The following SENP1 variants were observed in gnomAD, a reference collection of about 807,000 sequenced individuals.
SENP1 encodes SUMO specific peptidase 1.
In SENP1, 21 loss-of-function variants were observed where a neutral mutation model predicts 93.0. The observed-to-expected ratio is 0.23, with a 90% CI of 0.16 to 0.33. SENP1 has a LOEUF of 0.33. Ranked by LOEUF, SENP1 falls within the 10% of genes least tolerant of loss-of-function variation. The pLI is 1.00. For synonymous variants in SENP1, 256 were observed against 259.6 expected (o/e 0.99, Z 0.13); for missense variants, 591 against 758.7 (o/e 0.78, Z 2.60).
intron 15 of SENP1, 93 bp downstream of exon 15, chr12:48,047,908 T>C: frequency 1.3e-6 from 1 of 771,884 alleles, no homozygotes; most frequent in Non-Finnish European, 2.2e-6. Flanking sequence ...TATCAATCAC[T>C]CCATTGAAGG....
At chr12:48,089,198 C>T in intron 4 of SENP1, 1 of 1,501,126 alleles carries the variant, frequency 6.7e-7, no homozygotes, top group South Asian at 1.1e-5. Flanking sequence ...CCTGCCACAG[C>T]CATGTGCCTT....
At chr12:48,070,723 CATTAAACCCCTTTA>C (rs1943629634) in intron 9 of SENP1, among the ~76,000 whole-genome samples, 9 of 152,146 alleles carry the variant, frequency 5.9e-5, no homozygotes, top group Admixed American at 5.9e-4. Context: ...AACAAATAAT[CATTAAACCCCTTTA>C]ATGAATGATC....
chr12:48,071,873 G>A (rs1943730871), intron 8 of SENP1, among the ~76,000 whole-genome samples, 152 bp from the exon 9 acceptor site: 1 of 152,176 alleles, frequency 6.6e-6, no homozygotes, highest in South Asian at 2.1e-4. Flanking sequence ...AGAGAGGCAA[G>A]TCCATTGTCA....
intron 9 of SENP1, among the ~76,000 whole-genome samples, chr12:48,069,384 C>T (rs577409652): frequency 6.6e-6 from 1 of 152,116 alleles, no homozygotes; most frequent in Non-Finnish European, 1.5e-5. Flanking sequence ...ATAAACCAAG[C>T]CTCAGCAGAG....
In SENP1 at chr12:48,065,504, A is replaced by G. The variant is rs548231138; in HGVS notation, c.1119+92T>C. On this transcript the variant is annotated intron_variant, in intron 11 of 17. Transcript: ENST00000549518. ...GCTACCATACGATCTTGGAATTACAACAGCAATTACCCAAATCTGGGTAAC... is the reference window on the plus strand; with the variant it reads ...GCTACCATACGATCTTGGAATTACAGCAGCAATTACCCAAATCTGGGTAAC... 370 of 809,470 alleles carry G rather than the reference A, an allele frequency of 4.6e-4. 10 individuals carry two copies. The South Asian group carries it at 6.0e-3, about 13-fold the overall frequency. 50.1% of individuals were successfully genotyped at this position (809,470 alleles called of 1,614,324 possible).
chr12:48,081,622 G>A, intron 6 of SENP1, among the ~76,000 whole-genome samples: 1 of 140,778 alleles, frequency 7.1e-6, no homozygotes, highest in East Asian at 2.2e-4. Flanking sequence ...CCAGGCTGCA[G>A]TGCAGTGGCA....
chr12:48,067,377 T>C (rs1244220790), intron 9 of SENP1, among the ~76,000 whole-genome samples: 1 of 152,166 alleles, frequency 6.6e-6, no homozygotes, highest in East Asian at 1.9e-4. Flanking sequence ...ATAATCTACA[T>C]CAAATGGCTA....
intron 13 of SENP1, among the ~76,000 whole-genome samples, chr12:48,059,189 T>G (rs1034584532): frequency 6.6e-6 from 1 of 152,158 alleles, no homozygotes; most frequent in African/African-American, 2.4e-5. Flanking sequence ...CAAATACTTT[T>G]TCTAACACCA....
chr12:48,096,736 G>A (rs1236012665), intron 3 of SENP1, among the ~76,000 whole-genome samples: 1 of 152,086 alleles, frequency 6.6e-6, no homozygotes, highest in Non-Finnish European at 1.5e-5. Context: ...GATTACAGGC[G>A]TGAGCCACCG....
At chr12:48,059,512 A>C (rs368742063) in intron 13 of SENP1, among the ~76,000 whole-genome samples, 2 of 152,068 alleles carry the variant, frequency 1.3e-5, no homozygotes, top group South Asian at 4.1e-4. Context: ...TATGTGGAAG[A>C]TATTTATAGT....
Position 48,065,211 on chromosome 12 carries a change from C to T in SENP1, c.1129G>A (p.Glu377Lys), listed in dbSNP as rs1165394789. The T allele has an allele frequency of 6.3e-7, 1 of 1,593,132 alleles. No individual in the cohort carries two copies. Among genetic ancestry groups the T allele is most frequent in the Non-Finnish European group, 8.6e-7 (1 of 1,168,744 alleles). Reference protein sequence around the residue: ...ALQLQNQRLQEREHSVHDSVE... With the variant: ...ALQLQNQRLQKREHSVHDSVE... ...GAATCATGTACTGAATGTTCCCGCT[C>T]CTGCAATCTCTGAAAGATAAAACTT... The change falls in exon 12 of 18, where the codon GAG becomes AAG. Residue 377 changes from glutamate (E) to lysine (K), a missense_variant. Transcript: ENST00000549518.
intron 6 of SENP1, among the ~76,000 whole-genome samples, chr12:48,080,801 G>A (rs1420156634): frequency 6.6e-6 from 1 of 152,140 alleles, no homozygotes; most frequent in Non-Finnish European, 1.5e-5. Flanking sequence ...CAGGTAGCTT[G>A]ACTTTCATAT....
chr12:48,095,736 TG>T (rs1945515808), intron 4 of SENP1, among the ~76,000 whole-genome samples: 1 of 151,994 alleles, frequency 6.6e-6, no homozygotes, highest in African/African-American at 2.4e-5. Flanking sequence ...AGAAGACCCT[TG>T]GAAGTCCAAA....
At chr12:48,094,112 C>A (rs1945398733) in intron 4 of SENP1, among the ~76,000 whole-genome samples, 2 of 152,150 alleles carry the variant, frequency 1.3e-5, no homozygotes, top group Non-Finnish European at 2.9e-5. Context: ...CAGTGGCTCA[C>A]ACCTGTAATC....
At chr12:48,056,457 AT>A (rs1942374689) in intron 13 of SENP1, among the ~76,000 whole-genome samples, 1 of 108,650 alleles carries the variant, frequency 9.2e-6, no homozygotes, top group South Asian at 2.9e-4. Context: ...TATATTACAT[AT>A]TACATATATA....
In SENP1 at chr12:48,049,079, C is replaced by G; in HGVS notation, c.1461G>C (p.Leu487Phe). The G allele has an allele frequency of 6.2e-7, 1 of 1,613,702 alleles. No individual in the cohort carries two copies. Among genetic ancestry groups the G allele is most frequent in the South Asian group, 1.1e-5 (1 of 91,072 alleles). The part of the protein sequence containing the change: ...MLMERSKEKG[L>F]PSVHAFNTFF... ...AGGTATTAAATGCATGCACACTTGG[C>G]AAGCCCTTCTCTTTACTTCGCTCCA... Residue 487 changes from leucine to phenylalanine, a missense_variant, in exon 14 of 18, where the codon TTG (leucine) becomes TTC (phenylalanine). Around this residue, in one of 4 missense-constraint regions of SENP1, gnomAD observed 132 missense variants for 230.1 expected, o/e 0.57. Coordinates refer to ENST00000549518, the MANE Select transcript of SENP1 (RefSeq NM_001267594.2).
chr12:48,068,037 TTTTTTA>T (rs1310220138), intron 9 of SENP1, among the ~76,000 whole-genome samples: 2 of 152,052 alleles, frequency 1.3e-5, no homozygotes, highest in African/African-American at 2.4e-5. Context: ...ATTTTTTCTT[TTTTTTA>T]TTTTTATTTT....
intron 3 of SENP1, 26 bp from the exon 4 acceptor site, chr12:48,096,453 A>T: frequency 6.6e-7 from 1 of 1,512,474 alleles, no homozygotes; most frequent in Non-Finnish European, 9.1e-7. Flanking sequence ...GATTTTTCTT[A>T]AGTCACATTT....
chr12:48,063,049 T>C (rs1054350448), intron 13 of SENP1, among the ~76,000 whole-genome samples: 4 of 152,142 alleles, frequency 2.6e-5, no homozygotes, highest in Admixed American at 6.6e-5. Context: ...GCTGTAAAAA[T>C]AACCTTCTAA....
Sources: allele counts gnomAD v4.1 joint callset (sites outside exome capture counted in the v4.1 genomes callset), GRCh38; gene constraint gnomAD v4.1.1; regional missense constraint gnomAD v4.1.1; transcripts MANE v1.5; gene names NCBI Gene and HGNC (gene_info 2026-07-23, HGNC 2026-07-21).